The following SUPT3H variants were observed in gnomAD, a reference collection of about 807,000 sequenced individuals.
The protein encoded by SUPT3H is SPT3 homolog, SAGA and STAGA complex component.
In SUPT3H, 44 loss-of-function variants were observed where a neutral mutation model predicts 44.3. That is an observed-to-expected ratio of 0.99 (90% CI 0.78 to 1.28). The LOEUF is 1.28. Among genes scored for constraint, SUPT3H ranks in the 50% most tolerant of loss-of-function variants. The pLI is 0.00. For synonymous variants in SUPT3H, 124 were observed against 125.6 expected, an observed-to-expected ratio of 0.99 and a Z score of 0.09; for missense variants, 380 against 387.1, an observed-to-expected ratio of 0.98 and a Z score of 0.15.
intron 3 of SUPT3H, among the ~76,000 whole-genome samples, chr6:45,069,493 C>T (rs894149418): frequency 2.0e-5 from 3 of 151,984 alleles, no homozygotes; most frequent in Admixed American, 1.3e-4. Flanking sequence ...TATAAATTGG[C>T]ATGGCATATT....
rs1413335620 is a variant in SUPT3H at position 45,113,485 on chromosome 6, GA to G, written c.102-7480del. Among the ~76,000 whole-genome samples, 9 of 152,228 alleles carry G rather than the reference GA, an allele frequency of 5.9e-5. No homozygotes were observed. The East Asian group carries it at 1.7e-3, about 29-fold the overall frequency. On this transcript the variant is annotated intron_variant, in intron 2 of 10. Coordinates refer to ENST00000371459, the MANE Select transcript of SUPT3H (RefSeq NM_003599.4). Reference sequence around the variant, plus strand: ...TTTTACCCACCTGTTTTCAAAGGAAGAAATGAATTTTATTAACAATAGCTCT... The same window carrying G: ...TTTTACCCACCTGTTTTCAAAGGAAGAATGAATTTTATTAACAATAGCTCT...
At chr6:45,231,216 A>C (rs770879451) in intron 2 of SUPT3H, among the ~76,000 whole-genome samples, 97 of 152,120 alleles carry the variant, frequency 6.4e-4, no homozygotes, top group Admixed American at 2.6e-3. Flanking sequence ...TCATAATGGT[A>C]ACTGTCACCC....
At chr6:45,044,791 T>A (rs1482892267) in intron 3 of SUPT3H, among the ~76,000 whole-genome samples, 1 of 152,144 alleles carries the variant, frequency 6.6e-6, no homozygotes, top group Admixed American at 6.6e-5. Context: ...GGTCTTAGAT[T>A]CTTGGATGGG....
chr6:44,940,246 T>G (rs1772181642), intron 9 of SUPT3H, among the ~76,000 whole-genome samples: 2 of 152,080 alleles, frequency 1.3e-5, no homozygotes, highest in Non-Finnish European at 2.9e-5. Context: ...GCGTTGTGTT[T>G]CCATTTTCAT....
chr6:44,884,594 C>T (rs1778822253), intron 10 of SUPT3H, among the ~76,000 whole-genome samples: 1 of 152,178 alleles, frequency 6.6e-6, no homozygotes, highest in African/African-American at 2.4e-5. Context: ...ACCCAAATGC[C>T]TATCAATGAT....
At chr6:45,312,383 C>T (rs561699903) in intron 2 of SUPT3H, among the ~76,000 whole-genome samples, 12 of 151,814 alleles carry the variant, frequency 7.9e-5, no homozygotes, top group South Asian at 2.1e-4. Flanking sequence ...GGCATGGTGG[C>T]GGGTGCCTGT....
At chr6:45,121,713 T>C (rs899962232) in intron 2 of SUPT3H, among the ~76,000 whole-genome samples, 1 of 152,222 alleles carries the variant, frequency 6.6e-6, no homozygotes, top group Non-Finnish European at 1.5e-5. Flanking sequence ...TTCGCTCTTG[T>C]TGCCTAGGCT....
At chr6:45,126,946 G>A (rs1802527216) in intron 2 of SUPT3H, among the ~76,000 whole-genome samples, 1 of 152,130 alleles carries the variant, frequency 6.6e-6, no homozygotes, top group Non-Finnish European at 1.5e-5. Flanking sequence ...CATGAGTTCT[G>A]AAAATTCTGA....
chr6:45,351,015 T>A (rs936379575), intron 2 of SUPT3H, among the ~76,000 whole-genome samples: 1 of 152,036 alleles, frequency 6.6e-6, no homozygotes, highest in African/African-American at 2.4e-5. Flanking sequence ...AGTTCTGCGC[T>A]CCTTATGAGA....
intron 2 of SUPT3H, among the ~76,000 whole-genome samples, chr6:45,127,392 C>A (rs548586900): frequency 6.6e-6 from 1 of 152,298 alleles, no homozygotes; most frequent in Non-Finnish European, 1.5e-5. Flanking sequence ...ACATCATACA[C>A]TTCCCAGGCA....
chr6:45,329,211 A>G (rs1249222876), intron 2 of SUPT3H, among the ~76,000 whole-genome samples: 1 of 152,012 alleles, frequency 6.6e-6, no homozygotes, highest in African/African-American at 2.4e-5. Flanking sequence ...ACAAAATAAC[A>G]GACCACAGAA....
At chr6:44,966,667 T>C (rs1261217978) in intron 6 of SUPT3H, among the ~76,000 whole-genome samples, 1 of 152,106 alleles carries the variant, frequency 6.6e-6, no homozygotes, top group African/African-American at 2.4e-5. Context: ...GTAATGAAGG[T>C]TGTACTCCCT....
chr6:44,809,484 A>T (rs1766369035), exon 12 of SUPT3H: 2 of 152,228 alleles, frequency 1.3e-5, no homozygotes, highest in South Asian at 4.1e-4. Flanking sequence ...GGAAGTGCTG[A>T]ATTGGCTTGG....
At chr6:45,082,909 A>G (rs1232017058) in intron 3 of SUPT3H, among the ~76,000 whole-genome samples, 3 of 152,170 alleles carry the variant, frequency 2.0e-5, no homozygotes, top group African/African-American at 7.2e-5. Context: ...TAGAAATGAT[A>G]AATGACTTTA....
At chr6:45,261,506 A>G (rs533991501) in intron 2 of SUPT3H, among the ~76,000 whole-genome samples, 87 of 152,280 alleles carry the variant, frequency 5.7e-4, no homozygotes, top group Non-Finnish European at 6.6e-4. Flanking sequence ...ATAGATGTAG[A>G]AAAGGCTGTC....
intron 2 of SUPT3H, among the ~76,000 whole-genome samples, chr6:45,113,375 A>G (rs979613829): frequency 6.6e-6 from 1 of 152,222 alleles, no homozygotes; most frequent in South Asian, 2.1e-4. Flanking sequence ...GGCCGTGATC[A>G]GTCATTTAAT....
chr6:45,296,763 A>G (rs58100797), intron 2 of SUPT3H, among the ~76,000 whole-genome samples: 2,679 of 125,058 alleles, frequency 0.021, 117 homozygotes, highest in African/African-American at 0.059. Flanking sequence ...AAAAAAAAAA[A>G]ATTACAAATA....
At chr6:44,852,029 C>T (rs1772980407) in intron 10 of SUPT3H, among the ~76,000 whole-genome samples, 1 of 152,128 alleles carries the variant, frequency 6.6e-6, no homozygotes, top group Non-Finnish European at 1.5e-5. Context: ...ATGGAAAATC[C>T]ATCATCCTCA....
Position 44,844,983 on chromosome 6 carries a change from G to A in SUPT3H, c.913-15126C>T, listed in dbSNP as rs114386842. On this transcript the variant is annotated intron_variant, in intron 10 of 10. Coordinates refer to ENST00000371459, the MANE Select transcript of SUPT3H (RefSeq NM_003599.4). ...GGTCAGGATTTGTACATCACAGGCA[G>A]GATGTACTTGTTTGGACTTGAACAG... Among the ~76,000 whole-genome samples the A allele has an allele frequency of 8.7e-3, 1,331 of 152,240 alleles. 22 individuals carry two copies. Among genetic ancestry groups the A allele is most frequent in the African/African-American group, 0.03 (1,257 of 41,538 alleles).
Sources: allele counts gnomAD v4.1 joint callset (sites outside exome capture counted in the v4.1 genomes callset), GRCh38; gene constraint gnomAD v4.1.1; transcripts MANE v1.5; gene names NCBI Gene and HGNC (gene_info 2026-07-23, HGNC 2026-07-21).